The following ASB4 variants were observed in gnomAD, a reference collection of about 807,000 sequenced individuals.
ASB4 encodes the protein ankyrin repeat and SOCS box containing 4.
In ASB4, 35 loss-of-function variants were observed where a neutral mutation model predicts 38.6. That is an observed-to-expected ratio of 0.91 (90% CI 0.69 to 1.20). The LOEUF is 1.20. ASB4 is among the 50% of genes most tolerant of loss of function. ASB4 has a pLI of 0.00. For synonymous variants in ASB4, 195 were observed against 201.3 expected (o/e 0.97, Z 0.26); for missense variants, 557 against 527.2 (o/e 1.06, Z -0.55).
rs552871366 is a variant in ASB4 at position 95,538,343 on chromosome 7, A to G, written c.*584A>G. 3 of 152,512 alleles carry G rather than the reference A, an allele frequency of 2.0e-5. No individual in the cohort carries two copies. The highest frequency in any genetic ancestry group is 2.0e-4 in the Admixed American group (3 of 15,330). The allele number at this position is 152,512 out of a possible 1,614,324, so 9.4% of individuals were successfully genotyped here. On this transcript the variant is annotated 3_prime_UTR_variant, in exon 5 of 5. Transcript: ENST00000325885. ...GTCAAATTAGAAATGAGAAAGAAAC[A>G]TCAGTCCAGTTAATAGTCAAGAATG...
chr7:95,496,974 C>G (rs1043254509), intron 2 of ASB4, among the ~76,000 whole-genome samples: 1 of 151,856 alleles, frequency 6.6e-6, no homozygotes, highest in Admixed American at 6.5e-5. Context: ...GCTAAGAGAG[C>G]AATAAAACTT....
chr7:95,548,230 T>C, the ASB4 span, among the ~76,000 whole-genome samples: 2 of 152,242 alleles, frequency 1.3e-5, no homozygotes, highest in Non-Finnish European at 2.9e-5. Flanking sequence ...TAGTTGGTGA[T>C]GTAAGTCTTT....
At chr7:95,527,706 C>T in intron 2 of ASB4, 107 bp from the exon 3 acceptor site, 1 of 1,088,428 alleles carries the variant, frequency 9.2e-7, no homozygotes, top group Non-Finnish European at 1.3e-6. Flanking sequence ...TAATATACGG[C>T]AGTCAGAAGT....
chr7:95,546,329 G>A, the ASB4 span, among the ~76,000 whole-genome samples: 12 of 152,308 alleles, frequency 7.9e-5, no homozygotes, highest in African/African-American at 2.9e-4. Flanking sequence ...AAGGAAATCT[G>A]CCCATTTGTA....
intron 2 of ASB4, among the ~76,000 whole-genome samples, chr7:95,527,460 A>G (rs1388234264): frequency 6.6e-6 from 1 of 152,252 alleles, no homozygotes; most frequent in Non-Finnish European, 1.5e-5. Flanking sequence ...ATTAGCAAAT[A>G]TCATTGTTAT....
At chr7:95,483,078 A>G (rs1790037263), upstream of ASB4, among the ~76,000 whole-genome samples, 1 of 152,198 alleles carries the variant, frequency 6.6e-6, no homozygotes, top group Admixed American at 6.5e-5. Flanking sequence ...GTTTGAGAAC[A>G]TCAAAACTGG....
chr7:95,481,235 G>T (rs1023134590), upstream of ASB4, among the ~76,000 whole-genome samples: 1 of 151,990 alleles, frequency 6.6e-6, no homozygotes, highest in Non-Finnish European at 1.5e-5. Flanking sequence ...CACTACAACT[G>T]GAATTTTCCA....
intron 3 of ASB4, among the ~76,000 whole-genome samples, chr7:95,535,102 T>C (rs969211618): frequency 6.6e-6 from 1 of 152,042 alleles, no homozygotes; most frequent in Non-Finnish European, 1.5e-5. Flanking sequence ...TCTTACTTAG[T>C]TGGATATTAA....
rs757210569 is a variant in ASB4, at chr7:95,537,751, A to G, written c.1273A>G (p.Ile425Val). 3 of 1,613,464 alleles carry G rather than the reference A, an allele frequency of 1.9e-6. No homozygotes were observed. Among genetic ancestry groups the G allele is most frequent in the Non-Finnish European group, 2.5e-6 (3 of 1,179,574 alleles). Residue 425 changes from isoleucine (I) to valine (V), a missense_variant, in exon 5 of 5, where the codon ATT (isoleucine) becomes GTT (valine). Transcript: ENST00000325885. ...KYLLLEPEGI[I>V]Y Reference sequence around the variant, plus strand: ...CTTGCTTTTAGAGCCAGAGGGAATTATTTATTAAGCCTTATGAGACAGCAG... The same window carrying G: ...CTTGCTTTTAGAGCCAGAGGGAATTGTTTATTAAGCCTTATGAGACAGCAG...
intron 3 of ASB4, among the ~76,000 whole-genome samples, chr7:95,530,105 CAA>C (rs60923712): frequency 4.9e-4 from 49 of 99,614 alleles, no homozygotes; most frequent in South Asian, 7.5e-4. Context: ...AAAAGCAGGG[CAA>C]AAAAAAAAAA....
At chr7:95,544,089 T>TC (rs2116669053), downstream of ASB4, 1 of 152,218 alleles carries the variant, frequency 6.6e-6, no homozygotes, top group Non-Finnish European at 1.5e-5. Flanking sequence ...TGTAAAACAC[T>TC]CCAATCATAT....
intron 1 of ASB4, among the ~76,000 whole-genome samples, chr7:95,487,614 G>A (rs1790110341): frequency 6.6e-6 from 1 of 152,142 alleles, no homozygotes; most frequent in Non-Finnish European, 1.5e-5. Flanking sequence ...GAGGGGAGAG[G>A]TGGGGTTGGT....
Position 95,486,149 on chromosome 7 carries a change from T to A in ASB4, c.178T>A (p.Tyr60Asn), listed in dbSNP as rs1790087522. The change falls in exon 1 of 5, where the codon TAT becomes AAT. Residue 60 changes from tyrosine to asparagine, a missense_variant. Coordinates refer to ENST00000325885, the MANE Select transcript of ASB4 (RefSeq NM_016116.3). ...VEDENMVLAS[Y>N]KQGYWLPSYK... is the part of the protein sequence containing the mutation. ...AGATGAGAATATGGTTTTGGCATCT[T>A]ATAAACAAGGTAAAAACATATAGGT... is the stretch of plus-strand genomic sequence containing the variant. 1 of 1,613,078 alleles carries A rather than the reference T, an allele frequency of 6.2e-7. No homozygotes were observed. Among genetic ancestry groups the A allele is most frequent in the Non-Finnish European group, 8.5e-7 (1 of 1,179,510 alleles).
At chr7:95,483,143 C>T (rs542674401), upstream of ASB4, among the ~76,000 whole-genome samples, 31 of 152,132 alleles carry the variant, frequency 2.0e-4, no homozygotes, top group Non-Finnish European at 3.8e-4. Flanking sequence ...AAGTAAGTGA[C>T]GACCCATTCT....
the ASB4 span, among the ~76,000 whole-genome samples, chr7:95,549,776 A>G: frequency 1.3e-5 from 2 of 151,680 alleles, no homozygotes; most frequent in Non-Finnish European, 2.9e-5. Context: ...TTCTCTAAAG[A>G]CCCCTTTTCT....
intron 2 of ASB4, among the ~76,000 whole-genome samples, chr7:95,520,581 A>G (rs1790646644): frequency 6.6e-6 from 1 of 152,118 alleles, no homozygotes; most frequent in Non-Finnish European, 1.5e-5. Flanking sequence ...TTAGAAGCTT[A>G]TTATTTAGCT....
At chr7:95,478,419 C>G (rs897440098), upstream of ASB4, 1 of 152,096 alleles carries the variant, frequency 6.6e-6, no homozygotes, top group Non-Finnish European at 1.5e-5. Flanking sequence ...CTGAAAAAAC[C>G]TTGTCTTTCA....
At chr7:95,549,124 G>A in the ASB4 span, among the ~76,000 whole-genome samples, 10 of 152,202 alleles carry the variant, frequency 6.6e-5, no homozygotes, top group South Asian at 1.9e-3. Flanking sequence ...GGATGGGGAT[G>A]TCCAGTAAAT....
intron 2 of ASB4, among the ~76,000 whole-genome samples, chr7:95,506,358 C>T (rs1790408061): frequency 6.6e-6 from 1 of 152,152 alleles, no homozygotes; most frequent in Non-Finnish European, 1.5e-5. Flanking sequence ...ATTCCCATTC[C>T]CTATCATCCC....
Sources: allele counts gnomAD v4.1 joint callset (sites outside exome capture counted in the v4.1 genomes callset), GRCh38; gene constraint gnomAD v4.1.1; transcripts MANE v1.5; gene names NCBI Gene and HGNC (gene_info 2026-07-23, HGNC 2026-07-21).